ARHGAP44: variants seen among roughly 807,000 people sequenced by gnomAD.
ARHGAP44 encodes the protein Rho GTPase activating protein 44, also known as rho GTPase-activating protein 44.
ARHGAP44 carries 43 observed loss-of-function variants against 106.8 expected under a neutral mutation model. That is an observed-to-expected ratio of 0.40 (90% CI 0.32 to 0.52). The LOEUF is 0.52. ARHGAP44 is among the 20% of genes least tolerant of loss of function. The probability of loss-of-function intolerance (pLI) is 0.48; values close to 1 mark genes in which losing one functional copy is unlikely to be tolerated. For synonymous variants in ARHGAP44, 439 were observed against 410.3 expected (o/e 1.07, Z -0.85); for missense variants, 866 against 1,050.5 (o/e 0.82, Z 2.43).
intron 3 of ARHGAP44, among the ~76,000 whole-genome samples, chr17:12,899,334 T>A (rs892560931): frequency 6.6e-6 from 1 of 152,158 alleles, no homozygotes; most frequent in African/African-American, 2.4e-5. Flanking sequence ...TCTTTGCTTG[T>A]CATCATATGA....
intron 10 of ARHGAP44, 83 bp downstream of exon 10, chr17:12,944,279 C>T (rs1036905491): frequency 1.9e-5 from 27 of 1,444,588 alleles, no homozygotes; most frequent in African/African-American, 2.8e-5. Context: ...CTCTCCTGTA[C>T]CATCTCCACT....
intron 13 of ARHGAP44, among the ~76,000 whole-genome samples, chr17:12,955,527 C>T (rs1429913022): frequency 6.6e-6 from 1 of 152,142 alleles, no homozygotes; most frequent in Non-Finnish European, 1.5e-5. Flanking sequence ...CTTATCACTC[C>T]TGCACACAGG....
rs749913706 is a variant in ARHGAP44 at position 12,958,883 on chromosome 17, T to C, written c.1509T>C (p.Phe503=). Reference sequence around the variant, plus strand: ...CCACGGATAATATGATGCTGGAGTTTTACAAAAAGGATGGGTATGAACTGG... The same window carrying C: ...CCACGGATAATATGATGCTGGAGTTCTACAAAAAGGATGGGTATGAACTGG... ...SVATDNMMLE[F]YKKDGLRKIQ... is the part of the protein sequence containing the mutation. The change falls in exon 16 of 21, where the codon TTT becomes TTC. Residue 503 remains phenylalanine (F), a synonymous_variant. Transcript: ENST00000379672. This position sits in a 1 kb window ranked among gnomAD's most constrained non-coding sequence, Gnocchi z 4.1. 20 of 1,607,626 alleles carry C rather than the reference T, an allele frequency of 1.2e-5. No homozygotes were observed. The highest frequency in any genetic ancestry group is 1.7e-5 in the Admixed American group (1 of 58,772).
At chr17:12,878,615 A>G (rs1005220109) in intron 1 of ARHGAP44, among the ~76,000 whole-genome samples, 1 of 152,216 alleles carries the variant, frequency 6.6e-6, no homozygotes, top group Non-Finnish European at 1.5e-5. Flanking sequence ...TCCTAAAAAT[A>G]CTATCACCTG....
At chr17:12,987,925 G>A (rs1022040228) in intron 20 of ARHGAP44, 1 of 152,206 alleles carries the variant, frequency 6.6e-6, no homozygotes, top group Non-Finnish European at 1.5e-5. Flanking sequence ...GAAGCCAGAA[G>A]GACTTTGGTG....
intron 16 of ARHGAP44, among the ~76,000 whole-genome samples, chr17:12,966,647 C>G (rs751042929): frequency 4.6e-5 from 7 of 152,218 alleles, no homozygotes; most frequent in Non-Finnish European, 8.8e-5. Context: ...CCTGAATGTG[C>G]ACGCCTACAG....
At chr17:12,820,772 T>C (rs2034746302) in intron 1 of ARHGAP44, among the ~76,000 whole-genome samples, 1 of 152,146 alleles carries the variant, frequency 6.6e-6, no homozygotes, top group Non-Finnish European at 1.5e-5. Context: ...GATTGAATGA[T>C]AGAGATTTTA....
At chr17:12,969,256 C>G (rs1014428146) in intron 16 of ARHGAP44, among the ~76,000 whole-genome samples, 3 of 151,836 alleles carry the variant, frequency 2.0e-5, no homozygotes, top group African/African-American at 7.2e-5. Flanking sequence ...CCCCCTTTAT[C>G]AACATATTTT....
chr17:12,841,594 T>TCTCTCTCACA (rs1417307080), intron 1 of ARHGAP44, among the ~76,000 whole-genome samples: 9 of 126,514 alleles, frequency 7.1e-5, no homozygotes, highest in African/African-American at 7.0e-5. Flanking sequence ...TGTCTCTCTC[T>TCTCTCTCACA]CACACACACA....
chr17:12,861,775 C>T (rs919068953), intron 1 of ARHGAP44, among the ~76,000 whole-genome samples: 1 of 150,990 alleles, frequency 6.6e-6, no homozygotes, highest in Non-Finnish European at 1.5e-5. Context: ...GCTGGGACTA[C>T]AGGTACCCAC....
intron 8 of ARHGAP44, among the ~76,000 whole-genome samples, chr17:12,942,131 G>A (rs1320037969): frequency 6.6e-6 from 1 of 151,504 alleles, no homozygotes; most frequent in African/African-American, 2.4e-5. Flanking sequence ...AACTTGGAAA[G>A]TTTAATTAAT....
intron 1 of ARHGAP44, among the ~76,000 whole-genome samples, chr17:12,824,811 AC>A (rs1164215831): frequency 6.6e-6 from 1 of 150,402 alleles, no homozygotes; most frequent in Non-Finnish European, 1.5e-5. Flanking sequence ...GCACTTCTCT[AC>A]CTTCTGCTTG....
intron 3 of ARHGAP44, among the ~76,000 whole-genome samples, chr17:12,902,073 T>C (rs1195760470): frequency 6.6e-6 from 1 of 152,200 alleles, no homozygotes; most frequent in African/African-American, 2.4e-5. Flanking sequence ...GGAAATCCAG[T>C]AACTCACTCT....
chr17:12,873,573 T>C (rs1312523221), intron 1 of ARHGAP44, among the ~76,000 whole-genome samples: 2 of 152,194 alleles, frequency 1.3e-5, no homozygotes, highest in African/African-American at 2.4e-5. Context: ...TAGAATTGCA[T>C]TGAAGTATAG....
At chr17:12,799,240 G>T (rs2034015462) in intron 1 of ARHGAP44, among the ~76,000 whole-genome samples, 1 of 152,150 alleles carries the variant, frequency 6.6e-6, no homozygotes, top group Admixed American at 6.5e-5. Context: ...AGTCTTCCAT[G>T]TTGTGTTAGG....
At chr17:12,810,052 A>G (rs529082800) in intron 1 of ARHGAP44, among the ~76,000 whole-genome samples, 2 of 152,294 alleles carry the variant, frequency 1.3e-5, no homozygotes, top group South Asian at 4.1e-4. Context: ...AGTGCTGAGC[A>G]GAGAGGAGGG....
intron 13 of ARHGAP44, 141 bp downstream of exon 13, chr17:12,952,722 CTTTTTTTTTTTTTT>C (rs201371135): frequency 0.019 from 5,749 of 306,646 alleles, 2 homozygotes; most frequent in East Asian, 0.025. Flanking sequence ...TGCATGGTCT[CTTTTTTTTTTTTTT>C]TTTTTTTTTT....
chr17:12,952,330 AAGG>A (rs760654437), intron 12 of ARHGAP44, among the ~76,000 whole-genome samples, 168 bp from the exon 13 acceptor site: 4 of 152,188 alleles, frequency 2.6e-5, no homozygotes, highest in Non-Finnish European at 4.4e-5. Context: ...GACAAGACAG[AAGG>A]AGAACATAGA....
At chr17:12,983,382 T>C (rs2039880308) in intron 19 of ARHGAP44, among the ~76,000 whole-genome samples, 1 of 152,126 alleles carries the variant, frequency 6.6e-6, no homozygotes, top group Admixed American at 6.5e-5. Context: ...TCCTGGACGT[T>C]TGAATTTATT....
Sources: allele counts gnomAD v4.1 joint callset (sites outside exome capture counted in the v4.1 genomes callset), GRCh38; gene constraint gnomAD v4.1.1; non-coding constraint Gnocchi (gnomAD v3.1); transcripts MANE v1.5; gene names NCBI Gene and HGNC (gene_info 2026-07-23, HGNC 2026-07-21).